Variants in SDC2 observed in about 807,000 individuals in gnomAD.
SDC2 encodes syndecan 2, also known as syndecan-2.
Under a neutral mutation model 22.2 loss-of-function variants are expected in SDC2, and 13 were observed. The observed-to-expected ratio is 0.59, with a 90% CI of 0.38 to 0.93. The LOEUF is 0.93. Among genes scored for constraint, SDC2 ranks in the 40% least tolerant of loss-of-function variants. The pLI, the probability that SDC2 is intolerant of heterozygous loss-of-function variation, is 0.00. For synonymous variants in SDC2, 94 were observed against 92.8 expected (o/e 1.01, Z -0.07); for missense variants, 235 against 246.8 (o/e 0.95, Z 0.32).
chr8:96,611,087 T>A lies in SDC2; in HGVS notation c.*1539T>A, dbSNP rs920947184. On this transcript the variant is annotated 3_prime_UTR_variant, in exon 5 of 5. Coordinates refer to ENST00000302190, the MANE Select transcript of SDC2 (RefSeq NM_002998.4). ...GTCTACTGAAGCTTAACCGAAGAAC[T>A]AATAAATGGACTACAGTAGCTCACG... 6.6e-6 allele frequency: 1 copy of A among 152,574 alleles called. No homozygotes were observed. Among genetic ancestry groups the A allele is most frequent in the African/African-American group, 2.4e-5 (1 of 41,428 alleles). 9.5% of individuals were successfully genotyped at this position (152,574 alleles called of 1,614,324 possible).
At chr8:96,593,371 C>G in intron 1 of SDC2, 109 bp from the exon 2 acceptor site, 1 of 683,228 alleles carries the variant, frequency 1.5e-6, no homozygotes, top group Non-Finnish European at 2.6e-6. Context: ...ATTCAGACTA[C>G]TGTGGGAGTG....
At chr8:96,524,682 G>A (rs560817309) in intron 1 of SDC2, among the ~76,000 whole-genome samples, 11 of 152,196 alleles carry the variant, frequency 7.2e-5, no homozygotes, top group African/African-American at 1.7e-4. Flanking sequence ...AACCAGTGCC[G>A]GAAAGCTTAT....
chr8:96,495,296 C>T (rs1187859620), intron 1 of SDC2, among the ~76,000 whole-genome samples: 1 of 152,224 alleles, frequency 6.6e-6, no homozygotes, highest in Non-Finnish European at 1.5e-5. Context: ...CTTCCCTCCC[C>T]CGCCCTGGCG....
intron 1 of SDC2, among the ~76,000 whole-genome samples, chr8:96,529,013 A>C (rs1475756521): frequency 1.2e-4 from 19 of 152,370 alleles, no homozygotes; most frequent in Middle Eastern, 3.4e-3. Flanking sequence ...GCCCCGGCAC[A>C]GCTGTGCCAA....
intron 1 of SDC2, among the ~76,000 whole-genome samples, chr8:96,543,911 CTA>C (rs1466076204): frequency 1.3e-5 from 2 of 152,086 alleles, no homozygotes; most frequent in East Asian, 1.9e-4. Context: ...TTAGAAATGA[CTA>C]TTTATGTCAT....
At chr8:96,600,068 A>T (rs1368302082) in intron 2 of SDC2, among the ~76,000 whole-genome samples, 2 of 152,098 alleles carry the variant, frequency 1.3e-5, no homozygotes, top group Non-Finnish European at 2.9e-5. Flanking sequence ...CTGAGGTGAG[A>T]GGATTGCTTG....
intron 1 of SDC2, chr8:96,586,397 G>A (rs1370010): frequency 0.035 from 5,392 of 152,238 alleles, 128 homozygotes; most frequent in East Asian, 0.15. Context: ...AGAACACAAC[G>A]GCGGTCAAGG....
intron 1 of SDC2, chr8:96,538,889 CCTT>C (rs1406646493): frequency 6.6e-6 from 1 of 152,178 alleles, no homozygotes; most frequent in Non-Finnish European, 1.5e-5. Context: ...TGGACGTAGT[CCTT>C]GGTGAGTCTG....
At chr8:96,553,683 T>C (rs1814063001) in intron 1 of SDC2, among the ~76,000 whole-genome samples, 1 of 152,204 alleles carries the variant, frequency 6.6e-6, no homozygotes, top group African/African-American at 2.4e-5. Flanking sequence ...ACCACAAGTG[T>C]TATTCTTTAT....
At chr8:96,586,408 G>A (rs1324294847) in intron 1 of SDC2, 1 of 152,174 alleles carries the variant, frequency 6.6e-6, no homozygotes, top group Non-Finnish European at 1.5e-5. Flanking sequence ...GCGGTCAAGG[G>A]AGAGGACGCA....
intron 1 of SDC2, among the ~76,000 whole-genome samples, chr8:96,494,669 C>T (rs1813020848): frequency 6.6e-6 from 1 of 152,066 alleles, no homozygotes; most frequent in Non-Finnish European, 1.5e-5. Context: ...GAAAGGGTGG[C>T]AGGAGGGGGG....
chr8:96,532,664 C>G (rs1813684044), intron 1 of SDC2, among the ~76,000 whole-genome samples: 2 of 152,000 alleles, frequency 1.3e-5, no homozygotes, highest in Non-Finnish European at 2.9e-5. Flanking sequence ...CCCCATCCCC[C>G]CAAAAAAACA....
At chr8:96,496,989 C>T (rs1470247945) in intron 1 of SDC2, among the ~76,000 whole-genome samples, 1 of 152,170 alleles carries the variant, frequency 6.6e-6, no homozygotes, top group Non-Finnish European at 1.5e-5. Context: ...GGTTTTCTGT[C>T]CATTTTGTAC....
intron 1 of SDC2, among the ~76,000 whole-genome samples, chr8:96,518,116 T>G (rs1395038309): frequency 1.3e-5 from 2 of 152,158 alleles, no homozygotes; most frequent in African/African-American, 4.8e-5. Flanking sequence ...AGGTCTTGGC[T>G]AAGATACTTA....
chr8:96,494,000 T>C lies in SDC2; in HGVS notation c.-272T>C. ...GCAAGAAGAGCTTCAGAGAGCAGCC[T>C]TCCCGGAGCACCAACTCCGTGTCGG... On this transcript the variant is annotated 5_prime_UTR_variant, in exon 1 of 5. Transcript: ENST00000302190. The C allele has an allele frequency of 1.9e-6, 1 of 521,386 alleles. No individual in the cohort carries two copies. The highest frequency in any genetic ancestry group is 2.6e-5 in the South Asian group (1 of 38,088). 32.3% of individuals were successfully genotyped at this position (521,386 alleles called of 1,614,324 possible). A position where few individuals can be genotyped will look rare whatever the true frequency, so the allele number is the denominator to read the frequency against.
chr8:96,573,220 A>G (rs186915705), intron 1 of SDC2, among the ~76,000 whole-genome samples: 15 of 97,458 alleles, frequency 1.5e-4, no homozygotes, highest in African/African-American at 5.6e-4. Flanking sequence ...CTCATTTTAT[A>G]GACAGAAAAA....
intron 1 of SDC2, among the ~76,000 whole-genome samples, chr8:96,562,486 C>T (rs1276283577): frequency 6.6e-6 from 1 of 152,140 alleles, no homozygotes; most frequent in Non-Finnish European, 1.5e-5. Context: ...GACTTGGTAG[C>T]TCTGGGGGGC....
intron 1 of SDC2, among the ~76,000 whole-genome samples, chr8:96,521,862 G>A (rs1368896027): frequency 6.6e-6 from 1 of 152,136 alleles, no homozygotes; most frequent in South Asian, 2.1e-4. Flanking sequence ...TTTGATATGG[G>A]GGTACTTATT....
rs1180947523 is a variant in SDC2 at position 96,599,637 on chromosome 8, A to G, written c.173-2758A>G. ...TATGTACCTTCGTGGGTTAGTTATT[A>G]TTAGCCCCATTTTACAAATGAAGAA... is the stretch of plus-strand genomic sequence containing the variant. On this transcript the variant is annotated intron_variant, in intron 2 of 4. Transcript: ENST00000302190. Among the ~76,000 whole-genome samples the G allele has an allele frequency of 3.3e-5, 5 of 152,300 alleles. No homozygotes were observed. In the East Asian group the frequency reaches 7.7e-4, roughly 24 times the overall value.
Sources: allele counts gnomAD v4.1 joint callset (sites outside exome capture counted in the v4.1 genomes callset), GRCh38; gene constraint gnomAD v4.1.1; transcripts MANE v1.5; gene names NCBI Gene and HGNC (gene_info 2026-07-23, HGNC 2026-07-21).